The following PRKG1 variants were observed in gnomAD, a reference collection of about 807,000 sequenced individuals.
PRKG1 encodes cGMP-dependent protein kinase 1.
A neutral mutation model predicts 88.1 loss-of-function variants in PRKG1; 35 were observed. The observed-to-expected ratio is 0.40, with a 90% CI of 0.30 to 0.53. The LOEUF is 0.53. PRKG1 is among the 20% of genes least tolerant of loss of function. PRKG1 has a pLI of 0.59. For synonymous variants in PRKG1, 303 were observed against 292.5 expected, an observed-to-expected ratio of 1.04 and a Z score of -0.37; for missense variants, 540 against 839.8, an observed-to-expected ratio of 0.64 and a Z score of 4.41.
chr10:51,332,089 G>T (rs1429338362), intron 2 of PRKG1, among the ~76,000 whole-genome samples: 1 of 152,130 alleles, frequency 6.6e-6, no homozygotes, highest in East Asian at 1.9e-4. Context: ...CATCAAAATG[G>T]ATAGATATCC....
intron 2 of PRKG1, among the ~76,000 whole-genome samples, chr10:51,285,095 A>T (rs1218463693): frequency 2.7e-5 from 3 of 112,710 alleles, no homozygotes; most frequent in South Asian, 3.0e-4. Context: ...CCTTCCTGTG[A>T]CCATGTGATC....
intron 2 of PRKG1, among the ~76,000 whole-genome samples, chr10:51,259,841 T>C (rs2132156959): frequency 6.6e-6 from 1 of 152,332 alleles, no homozygotes; most frequent in African/African-American, 2.4e-5. Context: ...AGGCCCCATA[T>C]GGAGGTGTAT....
intron 5 of PRKG1, among the ~76,000 whole-genome samples, chr10:51,916,988 A>T (rs376296091): frequency 6.6e-5 from 10 of 152,198 alleles, no homozygotes; most frequent in African/African-American, 2.4e-4. Flanking sequence ...GAGAAAGTAA[A>T]TTAGTGAAGG....
chr10:51,907,357 C>A (rs1485107969), intron 4 of PRKG1, 150 bp from the exon 5 acceptor site: 13 of 589,708 alleles, frequency 2.2e-5, no homozygotes, highest in Non-Finnish European at 2.9e-5. Flanking sequence ...TCTTTTTTTT[C>A]AGGTTGTGTG....
intron 1 of PRKG1, among the ~76,000 whole-genome samples, chr10:51,080,761 G>A: frequency 6.6e-6 from 1 of 152,184 alleles, no homozygotes; most frequent in Non-Finnish European, 1.5e-5. Flanking sequence ...TTCCCCGACA[G>A]CCCTTGTCTG....
intron 3 of PRKG1, among the ~76,000 whole-genome samples, chr10:51,736,825 G>A (rs1230085657): frequency 6.6e-6 from 1 of 150,664 alleles, no homozygotes; most frequent in Non-Finnish European, 1.5e-5. Flanking sequence ...TTGTAGAGAA[G>A]GAGTCTCATT....
intron 7 of PRKG1, among the ~76,000 whole-genome samples, chr10:52,090,866 A>G (rs1254537064): frequency 1.3e-5 from 2 of 152,200 alleles, no homozygotes; most frequent in Non-Finnish European, 2.9e-5. Flanking sequence ...AAACCAGTCC[A>G]TTTTTGCCTT....
At position 52,079,576 on chromosome 10, in the gene PRKG1, C is replaced by T. The variant is rs554010682; in HGVS notation, c.935+16945C>T. On this transcript the variant is annotated intron_variant, in intron 7 of 17. Transcript: ENST00000373980. ...TGTCCTTCCTAGTAAAAGTTGAGCA[C>T]AGCAGTTGTGTGTATCCTAGAGGCA... is the stretch of plus-strand genomic sequence containing the variant. Among the ~76,000 whole-genome samples the T allele has an allele frequency of 2.0e-5, 3 of 152,228 alleles. No individual in the cohort carries two copies. In the South Asian group the frequency reaches 6.2e-4, roughly 32 times the overall value.
chr10:51,813,925 C>T (rs1482862644), intron 4 of PRKG1, among the ~76,000 whole-genome samples: 1 of 152,132 alleles, frequency 6.6e-6, no homozygotes, highest in African/African-American at 2.4e-5. Context: ...TCACTTTAAA[C>T]AAGTGACAAT....
At chr10:52,180,850 C>A (rs941779797) in intron 9 of PRKG1, among the ~76,000 whole-genome samples, 2 of 152,056 alleles carry the variant, frequency 1.3e-5, no homozygotes, top group Non-Finnish European at 2.9e-5. Flanking sequence ...CATGGGTGCA[C>A]AATTTCCTGC....
chr10:51,818,506 C>T lies in PRKG1; in HGVS notation c.698+13816C>T, dbSNP rs190405170. ...TATAGCCTTTGTTAGATAGCTCTGA[C>T]ATCTCAAAATACATGGCTGACTACT... On this transcript the variant is annotated intron_variant, in intron 4 of 17. Transcript: ENST00000373980. Among the ~76,000 whole-genome samples, 525 of 152,256 alleles carry T rather than the reference C, an allele frequency of 3.4e-3. 1 individual carries two copies. Among genetic ancestry groups the T allele is most frequent in the Non-Finnish European group, 5.0e-3 (339 of 68,018 alleles).
chr10:52,206,980 C>T (rs1053721403), intron 9 of PRKG1, among the ~76,000 whole-genome samples: 1 of 152,210 alleles, frequency 6.6e-6, no homozygotes, highest in Non-Finnish European at 1.5e-5. Flanking sequence ...TTGGCAGTGT[C>T]CATGTGTGCA....
chr10:51,343,775 G>A (rs1028532435), intron 2 of PRKG1, among the ~76,000 whole-genome samples: 1 of 152,098 alleles, frequency 6.6e-6, no homozygotes, highest in African/African-American at 2.4e-5. Flanking sequence ...AAGCAGGATT[G>A]TGCCTTTCCC....
intron 4 of PRKG1, among the ~76,000 whole-genome samples, chr10:51,810,824 T>C (rs1175406002): frequency 6.6e-6 from 1 of 152,208 alleles, no homozygotes; most frequent in Non-Finnish European, 1.5e-5. Flanking sequence ...CTATGGGCCA[T>C]ACTTCAACCA....
chr10:51,474,989 A>G (rs562901475), intron 3 of PRKG1, among the ~76,000 whole-genome samples: 1 of 151,998 alleles, frequency 6.6e-6, no homozygotes, highest in Non-Finnish European at 1.5e-5. Flanking sequence ...AATCTTCAAA[A>G]TACCTCAATC....
intron 1 of PRKG1, among the ~76,000 whole-genome samples, chr10:51,119,975 G>A (rs1266236150): frequency 1.3e-5 from 2 of 152,090 alleles, no homozygotes; most frequent in Non-Finnish European, 2.9e-5. Flanking sequence ...ATGATCACAG[G>A]TCCTAAGCTT....
At chr10:51,028,417 G>A (rs1248060091) in intron 1 of PRKG1, among the ~76,000 whole-genome samples, 1 of 152,188 alleles carries the variant, frequency 6.6e-6, no homozygotes, top group Non-Finnish European at 1.5e-5. Context: ...CTTCATGTAA[G>A]TTGGCCAGTA....
chr10:51,930,916 G>A (rs2133003677), intron 5 of PRKG1, among the ~76,000 whole-genome samples: 1 of 152,154 alleles, frequency 6.6e-6, no homozygotes, highest in South Asian at 2.1e-4. Flanking sequence ...TTATTAATAT[G>A]GTTTCAAAAT....
intron 3 of PRKG1, among the ~76,000 whole-genome samples, chr10:51,569,538 GTACTT>G (rs1384202041): frequency 6.6e-6 from 1 of 151,978 alleles, no homozygotes; most frequent in African/African-American, 2.4e-5. Context: ...ACTCGGATGA[GTACTT>G]TATATACTTT....
Sources: gnomAD v4.1 joint callset for allele counts (sites outside exome capture counted in the v4.1 genomes callset) on GRCh38, gnomAD v4.1.1 for gene constraint, MANE v1.5 for transcripts, NCBI Gene and HGNC (gene_info 2026-07-23, HGNC 2026-07-21) for gene names.